UTRN: variants seen among roughly 807,000 people sequenced by gnomAD.
UTRN encodes dystrophin-related protein 1.
Under a neutral mutation model 463.9 loss-of-function variants are expected in UTRN, and 283 were observed. The ratio of observed to expected loss-of-function variants is 0.61; its 90% CI spans 0.55 to 0.67. The LOEUF (loss-of-function observed/expected upper bound fraction) is 0.67, where lower values mean the gene tolerates loss of function less well. UTRN is among the 30% of genes least tolerant of loss of function. The probability of loss-of-function intolerance (pLI) is 0.00; values close to 1 mark genes in which losing one functional copy is unlikely to be tolerated. For missense variants in UTRN, 3,922 were observed against 4,084.3 expected (o/e 0.96, Z 1.08); for synonymous variants, 1,442 against 1,431.5 (o/e 1.01, Z -0.17).
At chr6:144,568,189 T>A (rs182999460) in intron 50 of UTRN, among the ~76,000 whole-genome samples, 231 of 152,298 alleles carry the variant, frequency 1.5e-3, no homozygotes, top group Non-Finnish European at 1.9e-3. Flanking sequence ...TTTTACTTGG[T>A]GTCATTTCTT....
intron 2 of UTRN, among the ~76,000 whole-genome samples, chr6:144,358,908 A>G (rs1778801898): frequency 6.6e-6 from 1 of 152,232 alleles, no homozygotes; most frequent in South Asian, 2.1e-4. Context: ...ATACTTAAAA[A>G]TAATTGGAAT....
Position 144,435,954 on chromosome 6 carries a change from A to G in UTRN, c.875A>G (p.Glu292Gly). Residue 292 changes from glutamate to glycine, a missense_variant, in exon 10 of 75, where the codon GAG becomes GGG. By Grantham distance (98) the Glu-to-Gly change is moderately conservative. Transcript: ENST00000367545. ...INIQSTAPEE[E>G]HESPRAETPS... The stretch of plus-strand genomic sequence containing the variant: ...TTACAGAGTACAGCGCCTGAGGAGG[A>G]GCATGAGAGTCCCCGAGCTGAAACT... 1 of 1,613,950 alleles carries G rather than the reference A, an allele frequency of 6.2e-7. No homozygotes were observed.
intron 61 of UTRN, among the ~76,000 whole-genome samples, chr6:144,785,995 G>A (rs979876270): frequency 7.9e-5 from 12 of 152,140 alleles, no homozygotes; most frequent in Admixed American, 2.0e-4. Flanking sequence ...CTCATTTGCA[G>A]TAGTGTCATT....
At chr6:144,724,741 C>G (rs1446923141) in intron 53 of UTRN, among the ~76,000 whole-genome samples, 3 of 152,082 alleles carry the variant, frequency 2.0e-5, no homozygotes, top group Non-Finnish European at 2.9e-5. Context: ...AAAATTCTTC[C>G]ATGTTATAGC....
At chr6:144,736,870 A>G (rs1029404030) in intron 54 of UTRN, among the ~76,000 whole-genome samples, 16 of 152,070 alleles carry the variant, frequency 1.1e-4, no homozygotes, top group Non-Finnish European at 2.1e-4. Flanking sequence ...CCTTTGCCCC[A>G]TTGCCCATCC....
intron 37 of UTRN, 77 bp from the exon 38 acceptor site, chr6:144,516,152 T>C: frequency 1.4e-6 from 2 of 1,453,054 alleles, no homozygotes; most frequent in Non-Finnish European, 9.4e-7. Context: ...GTTTCTCTCT[T>C]GACACCCCAT....
Position 144,557,159 on chromosome 6 carries a change from A to G in UTRN, c.7137A>G (p.Ile2379Met). 1 of 1,613,558 alleles carries G rather than the reference A, an allele frequency of 6.2e-7. No individual in the cohort carries two copies. The highest frequency in any genetic ancestry group is 1.1e-5 in the South Asian group (1 of 91,010). The change falls in exon 50 of 75, where the codon ATA (isoleucine) becomes ATG (methionine). Residue 2379 changes from isoleucine to methionine, a missense_variant and splice_region_variant. By Grantham distance (10) the Ile-to-Met change is conservative (BLOSUM62 1). This residue lies in a region of UTRN where 1,309 missense variants were observed against 1,452.6 expected (regional missense o/e 0.90). Coordinates refer to ENST00000367545, the MANE Select transcript of UTRN (RefSeq NM_007124.3). ...PLTKQISDNQ[I>M]LLQELGPGDG... Reference sequence around the variant, plus strand: ...ACAGACCTGCACTTGCACCTCAGATACTGCTTCAAGAACTGGGTCCTGGAG... The same window carrying G: ...ACAGACCTGCACTTGCACCTCAGATGCTGCTTCAAGAACTGGGTCCTGGAG...
chr6:144,406,659 G>A (rs1450700142), intron 3 of UTRN, among the ~76,000 whole-genome samples: 2 of 152,144 alleles, frequency 1.3e-5, no homozygotes, highest in Non-Finnish European at 2.9e-5. Context: ...GAGCCACCAC[G>A]CCCGGCCTCC....
chr6:144,807,828 C>T (rs1474932191), intron 65 of UTRN, among the ~76,000 whole-genome samples: 1 of 152,058 alleles, frequency 6.6e-6, no homozygotes, highest in Admixed American at 6.6e-5. Flanking sequence ...ACTGGGATGA[C>T]TTTTATACTT....
intron 53 of UTRN, among the ~76,000 whole-genome samples, chr6:144,714,367 T>C (rs1786139671): frequency 6.6e-6 from 1 of 152,226 alleles, no homozygotes; most frequent in African/African-American, 2.4e-5. Context: ...TTTCTGCTTA[T>C]ATTCTCCAGT....
chr6:144,635,530 C>CTTTTTTTT (rs1562685915), intron 51 of UTRN, among the ~76,000 whole-genome samples: 12 of 59,088 alleles, frequency 2.0e-4, no homozygotes, highest in Admixed American at 4.8e-4. Flanking sequence ...TTTTTTTTTT[C>CTTTTTTTT]TTTTCTTTTT....
At chr6:144,392,983 G>C (rs1782069264) in intron 2 of UTRN, among the ~76,000 whole-genome samples, 1 of 151,790 alleles carries the variant, frequency 6.6e-6, no homozygotes, top group Non-Finnish European at 1.5e-5. Flanking sequence ...CCAGGGCAAG[G>C]CTTTGTGTCC....
chr6:144,698,712 G>A (rs1784266394), intron 52 of UTRN, among the ~76,000 whole-genome samples: 1 of 152,182 alleles, frequency 6.6e-6, no homozygotes, highest in Non-Finnish European at 1.5e-5. Context: ...TTTCACCAGG[G>A]CCCTAACAAG....
intron 2 of UTRN, among the ~76,000 whole-genome samples, chr6:144,368,422 C>T (rs1301210177): frequency 1.3e-5 from 2 of 152,140 alleles, no homozygotes; most frequent in Admixed American, 6.5e-5. Flanking sequence ...TTTTTATATG[C>T]TAGATTCCTT....
At chr6:144,531,516 G>GA (rs1401326994) in intron 42 of UTRN, among the ~76,000 whole-genome samples, 2 of 152,080 alleles carry the variant, frequency 1.3e-5, no homozygotes, top group African/African-American at 2.4e-5. Flanking sequence ...ACCAAGAACA[G>GA]AAAAAATATT....
At chr6:144,634,800 T>C (rs1776928929) in intron 51 of UTRN, among the ~76,000 whole-genome samples, 1 of 152,184 alleles carries the variant, frequency 6.6e-6, no homozygotes, top group Admixed American at 6.5e-5. Context: ...TTTTTTCACT[T>C]AGGATCATGT....
intron 3 of UTRN, among the ~76,000 whole-genome samples, chr6:144,405,185 A>G (rs1009948546): frequency 6.6e-6 from 1 of 152,222 alleles, no homozygotes; most frequent in Non-Finnish European, 1.5e-5. Flanking sequence ...GATGACTCTG[A>G]AAACTTTTAT....
chr6:144,526,521 AT>A (rs1796582508), intron 41 of UTRN, among the ~76,000 whole-genome samples: 1 of 151,982 alleles, frequency 6.6e-6, no homozygotes, highest in Non-Finnish European at 1.5e-5. Context: ...TTTGGTGTCC[AT>A]TTGGATGGAC....
At chr6:144,418,790 G>C (rs1584706115) in intron 3 of UTRN, among the ~76,000 whole-genome samples, 1 of 151,988 alleles carries the variant, frequency 6.6e-6, no homozygotes, top group Non-Finnish European at 1.5e-5. Context: ...CTGCTCAAGT[G>C]ATCCTCTCGC....
Sources: allele counts gnomAD v4.1 joint callset (sites outside exome capture counted in the v4.1 genomes callset), GRCh38; gene constraint gnomAD v4.1.1; regional missense constraint gnomAD v4.1.1; transcripts MANE v1.5; gene names NCBI Gene and HGNC (gene_info 2026-07-23, HGNC 2026-07-21).